P2RX3: variants seen among roughly 807,000 people sequenced by gnomAD.
P2RX3 encodes the protein purinergic receptor P2X 3.
A neutral mutation model predicts 51.5 loss-of-function variants in P2RX3; 41 were observed. That is an observed-to-expected ratio of 0.80 (90% CI 0.62 to 1.03). The LOEUF is 1.03. Among genes scored for constraint, P2RX3 ranks in the 50% least tolerant of loss-of-function variants. The pLI, the probability that P2RX3 is intolerant of heterozygous loss-of-function variation, is 0.00. For missense variants in P2RX3, 459 were observed against 522.1 expected (o/e 0.88, Z 1.18); for synonymous variants, 185 against 191.6 (o/e 0.97, Z 0.29).
At chr11:57,355,729 G>T (rs1308092309) in intron 8 of P2RX3, among the ~76,000 whole-genome samples, 1 of 152,136 alleles carries the variant, frequency 6.6e-6, no homozygotes, top group African/African-American at 2.4e-5. Flanking sequence ...TAATGACATG[G>T]GAAGTCCCCT....
At chr11:57,342,098 A>G (rs545799319) in intron 1 of P2RX3, among the ~76,000 whole-genome samples, 2 of 145,388 alleles carry the variant, frequency 1.4e-5, no homozygotes, top group South Asian at 4.7e-4. Context: ...TAAGTGACAG[A>G]TATGGTGGAA....
intron 1 of P2RX3, 57 bp from the exon 2 acceptor site, chr11:57,346,487 T>G (rs1455285666): frequency 6.3e-7 from 1 of 1,585,826 alleles, no homozygotes; most frequent in East Asian, 2.2e-5. Flanking sequence ...TCCCAGCTTC[T>G]GTCTGCTGGG....
intron 1 of P2RX3, among the ~76,000 whole-genome samples, chr11:57,346,026 G>A (rs1161658653): frequency 6.6e-6 from 1 of 152,144 alleles, no homozygotes; most frequent in East Asian, 1.9e-4. Flanking sequence ...TGTTTACTGA[G>A]CTACTTTGTG....
chr11:57,366,596 C>G (rs75237760), intron 8 of P2RX3, among the ~76,000 whole-genome samples: 1,994 of 152,258 alleles, frequency 0.013, 54 homozygotes, highest in African/African-American at 0.046. Context: ...AATCACATGC[C>G]TATCTATAAT....
chr11:57,349,976 G>A (rs954467391), intron 7 of P2RX3, 78 bp downstream of exon 7: 7 of 1,576,144 alleles, frequency 4.4e-6, no homozygotes, highest in East Asian at 2.3e-5. Flanking sequence ...CCCTTTGGCC[G>A]GCACTGGCCA....
At chr11:57,361,446 C>T (rs780240331) in intron 8 of P2RX3, among the ~76,000 whole-genome samples, 58 of 152,190 alleles carry the variant, frequency 3.8e-4, no homozygotes, top group Non-Finnish European at 6.2e-4. Context: ...CTCTCCTTCC[C>T]CCTGCACCCC....
intron 8 of P2RX3, among the ~76,000 whole-genome samples, chr11:57,354,193 C>T (rs1271692778): frequency 6.6e-6 from 1 of 152,114 alleles, no homozygotes; most frequent in African/African-American, 2.4e-5. Flanking sequence ...CCCTTTAAAT[C>T]CTCTCCAGTG....
chr11:57,367,456 C>T (rs927973453), intron 8 of P2RX3, among the ~76,000 whole-genome samples: 1 of 152,174 alleles, frequency 6.6e-6, no homozygotes, highest in Non-Finnish European at 1.5e-5. Flanking sequence ...CGCGGTGGCT[C>T]ACCCCTATAA....
intron 10 of P2RX3, 111 bp from the exon 11 acceptor site, chr11:57,369,250 C>G (rs1354370662): frequency 5.6e-5 from 48 of 853,048 alleles, no homozygotes; most frequent in Non-Finnish European, 4.0e-5. Context: ...AAATGTCCTG[C>G]CCACTGTTTA....
chr11:57,337,921 A>G (rs1254053189), upstream of P2RX3, among the ~76,000 whole-genome samples: 3 of 152,270 alleles, frequency 2.0e-5, no homozygotes, highest in Admixed American at 2.0e-4. Flanking sequence ...GGAGTTAGAA[A>G]TATGTGACTC....
Position 57,370,133 on chromosome 11 carries a change from T to C in P2RX3, c.*136T>C. On this transcript the variant is annotated 3_prime_UTR_variant, in exon 12 of 12. Coordinates refer to ENST00000263314, the MANE Select transcript of P2RX3 (RefSeq NM_002559.5). Reference sequence around the variant, plus strand: ...TCCATGAGCATAGCTGGGACCCAAGTGTCTGGGCCTCCGACTGCTCCAGCA... The same window carrying C: ...TCCATGAGCATAGCTGGGACCCAAGCGTCTGGGCCTCCGACTGCTCCAGCA... The C allele has an allele frequency of 1.5e-6, 1 of 652,604 alleles. No homozygotes were observed. Among genetic ancestry groups the C allele is most frequent in the Non-Finnish European group, 2.7e-6 (1 of 375,088 alleles). 40.4% of individuals were successfully genotyped at this position (652,604 alleles called of 1,614,324 possible). A position where few individuals can be genotyped will look rare whatever the true frequency, so the allele number is the denominator to read the frequency against.
At chr11:57,342,161 T>C (rs1273542631) in intron 1 of P2RX3, among the ~76,000 whole-genome samples, 1 of 134,612 alleles carries the variant, frequency 7.4e-6, no homozygotes, top group East Asian at 2.2e-4. Flanking sequence ...TTTTTTTTTT[T>C]TTTTTTTTTT....
chr11:57,368,728 G>A lies in P2RX3; in HGVS notation c.1002+291G>A, dbSNP rs187646652. On this transcript the variant is annotated intron_variant, in intron 10 of 11. Transcript: ENST00000263314. ...TCTCACCGTATAGCTGGGGGAGGAG[G>A]CTCTGGGTTTCTGCAGACCTGAGAT... is the stretch of plus-strand genomic sequence containing the variant. Among the ~76,000 whole-genome samples the A allele has an allele frequency of 2.1e-3, 324 of 152,236 alleles. 1 individual carries two copies. The highest frequency in any genetic ancestry group is 0.01 in the Middle Eastern group (3 of 292).
At chr11:57,344,095 T>C (rs1280521762) in intron 1 of P2RX3, among the ~76,000 whole-genome samples, 1 of 152,230 alleles carries the variant, frequency 6.6e-6, no homozygotes, top group African/African-American at 2.4e-5. Flanking sequence ...GAAGGCGGTA[T>C]GCATGAGAGC....
At position 57,371,621 on chromosome 11, in the gene P2RX3, T is replaced by C. The variant is rs1856888323; in HGVS notation, c.*1624T>C. 6.6e-6 allele frequency among the ~76,000 whole-genome samples: 1 copy of C among 152,036 alleles called. No homozygotes were observed. Among genetic ancestry groups the C allele is most frequent in the African/African-American group, 2.4e-5 (1 of 41,404 alleles). On this transcript the variant is annotated 3_prime_UTR_variant, in exon 12 of 12. Transcript: ENST00000263314. The stretch of plus-strand genomic sequence containing the variant: ...GGGTAAGACCCACCCCACATAAAGC[T>C]CAACACCCCTTCCCTCACTCTGCCC...
At chr11:57,350,717 A>G (rs1383044031) in intron 7 of P2RX3, 45 bp from the exon 8 acceptor site, 16 of 1,427,258 alleles carry the variant, frequency 1.1e-5, no homozygotes, top group East Asian at 9.7e-5. Flanking sequence ...CAGAGCAGGG[A>G]GTCAGAGGGC....
At chr11:57,357,704 C>T (rs879258998) in intron 8 of P2RX3, among the ~76,000 whole-genome samples, 2 of 151,990 alleles carry the variant, frequency 1.3e-5, no homozygotes, top group Non-Finnish European at 2.9e-5. Flanking sequence ...TGATTTGGTG[C>T]CTGGAATATG....
chr11:57,369,133 A>C (rs1856841916), intron 10 of P2RX3, among the ~76,000 whole-genome samples: 1 of 152,162 alleles, frequency 6.6e-6, no homozygotes, highest in Non-Finnish European at 1.5e-5. Flanking sequence ...ATCACCTCTT[A>C]AAGGCCCCAC....
chr11:57,361,866 T>A (rs1051347754), intron 8 of P2RX3, among the ~76,000 whole-genome samples: 8 of 152,220 alleles, frequency 5.3e-5, no homozygotes, highest in Non-Finnish European at 1.2e-4. Context: ...ACATGAAGCC[T>A]TGCCTAACCC....
Sources: allele counts gnomAD v4.1 joint callset (sites outside exome capture counted in the v4.1 genomes callset), GRCh38; gene constraint gnomAD v4.1.1; transcripts MANE v1.5; gene names NCBI Gene and HGNC (gene_info 2026-07-23, HGNC 2026-07-21).